The following FGF14 variants were observed in gnomAD, a reference collection of about 807,000 sequenced individuals.
FGF14 encodes the protein fibroblast growth factor 14.
In FGF14, 5 loss-of-function variants were observed where a neutral mutation model predicts 25.5. The observed-to-expected ratio is 0.20, with a 90% CI of 0.10 to 0.41. FGF14 has a LOEUF of 0.41. Ranked by LOEUF, FGF14 falls within the 10% of genes least tolerant of loss-of-function variation. The probability of loss-of-function intolerance (pLI) is 1.00; values close to 1 mark genes in which losing one functional copy is unlikely to be tolerated. For synonymous variants in FGF14, 138 were observed against 118.3 expected, an observed-to-expected ratio of 1.17 and a Z score of -1.08; for missense variants, 222 against 320.1, an observed-to-expected ratio of 0.69 and a Z score of 2.34.
intron 1 of FGF14, among the ~76,000 whole-genome samples, chr13:102,248,597 G>A (rs984255973): frequency 6.6e-5 from 10 of 152,156 alleles, no homozygotes; most frequent in African/African-American, 2.4e-4. Flanking sequence ...GTGGGAGAGG[G>A]AGATGGGGGC....
chr13:101,831,017 A>T (rs755164755), intron 3 of FGF14, among the ~76,000 whole-genome samples: 7 of 152,182 alleles, frequency 4.6e-5, no homozygotes, highest in African/African-American at 7.2e-5. Context: ...AATTCAGGCT[A>T]ATCTCATCTC....
intron 1 of FGF14, among the ~76,000 whole-genome samples, chr13:102,214,000 G>A (rs1166626835): frequency 6.6e-6 from 1 of 152,228 alleles, no homozygotes; most frequent in Non-Finnish European, 1.5e-5. Flanking sequence ...CATCACTCAG[G>A]AGTCAGGTCT....
chr13:102,149,550 C>T (rs146092156), intron 1 of FGF14, among the ~76,000 whole-genome samples: 2 of 152,328 alleles, frequency 1.3e-5, no homozygotes, highest in Non-Finnish European at 2.9e-5. Context: ...AACATTAATA[C>T]AAAGACTCAA....
intron 1 of FGF14, among the ~76,000 whole-genome samples, chr13:101,926,747 T>C (rs2034392124): frequency 1.3e-5 from 2 of 152,226 alleles, no homozygotes. Flanking sequence ...GGAAATACAT[T>C]CTGCAAGTCT....
In FGF14 at chr13:102,240,857, T is replaced by C. The variant is rs186820124; in HGVS notation, c.208+160614A>G. Among the ~76,000 whole-genome samples, 6 of 152,224 alleles carry C rather than the reference T, an allele frequency of 3.9e-5. No homozygotes were observed. The East Asian group carries it at 1.2e-3, about 29-fold the overall frequency. On this transcript the variant is annotated intron_variant, in intron 1 of 4. Transcript: ENST00000376131. Reference sequence around the variant, plus strand: ...CAATACAAGAGAATAATTTTTACCCTCTTATTTAAAAAAATTATCAAAATA... The same window carrying C: ...CAATACAAGAGAATAATTTTTACCCCCTTATTTAAAAAAATTATCAAAATA...
chr13:101,957,635 A>T (rs1207189034), intron 1 of FGF14, among the ~76,000 whole-genome samples: 1 of 152,132 alleles, frequency 6.6e-6, no homozygotes, highest in Non-Finnish European at 1.5e-5. Context: ...AGCAGATCTA[A>T]CTCAGAGTCA....
chr13:101,756,169 T>C (rs2037635250), intron 3 of FGF14, among the ~76,000 whole-genome samples: 2 of 152,238 alleles, frequency 1.3e-5, no homozygotes, highest in African/African-American at 4.8e-5. Context: ...TTCAAAGACT[T>C]ACCTTTTTCC....
intron 1 of FGF14, among the ~76,000 whole-genome samples, chr13:102,114,467 T>C (rs1256602461): frequency 1.3e-5 from 2 of 152,182 alleles, no homozygotes; most frequent in Non-Finnish European, 2.9e-5. Context: ...TGGTGTCAAT[T>C]CCAAGATAAT....
intron 1 of FGF14, among the ~76,000 whole-genome samples, chr13:102,040,672 G>A (rs1566607935): frequency 6.6e-6 from 1 of 152,168 alleles, no homozygotes. Context: ...CTGCTTCCGT[G>A]TGTTAAAGCC....
At position 102,069,413 on chromosome 13, in the gene FGF14, C is replaced by T. The variant is rs184998204; in HGVS notation, c.209-194117G>A. 2.6e-4 allele frequency among the ~76,000 whole-genome samples: 40 copies of T among 152,294 alleles called. No homozygotes were observed. In the East Asian group the frequency reaches 7.5e-3, roughly 29 times the overall value. On this transcript the variant is annotated intron_variant, in intron 1 of 4. Coordinates refer to the FGF14 transcript ENST00000376131. Reference sequence around the variant, plus strand: ...AGAGAATAAAAGGAGGCTGCCCGAGCCAGCATTGGCAACCCGCTCGGGTCC... The same window carrying T: ...AGAGAATAAAAGGAGGCTGCCCGAGTCAGCATTGGCAACCCGCTCGGGTCC...
At chr13:101,733,005 T>G (rs2035911706) in intron 3 of FGF14, among the ~76,000 whole-genome samples, 1 of 152,206 alleles carries the variant, frequency 6.6e-6, no homozygotes, top group African/African-American at 2.4e-5. Flanking sequence ...TTAATGCTAC[T>G]ATTCTGACAC....
chr13:102,251,388 T>C (rs957940548), intron 1 of FGF14, among the ~76,000 whole-genome samples: 1 of 152,196 alleles, frequency 6.6e-6, no homozygotes, highest in Admixed American at 6.6e-5. Flanking sequence ...CTCTGGACTT[T>C]GTAAAAACTG....
chr13:102,101,460 T>A (rs1252445888), intron 1 of FGF14, among the ~76,000 whole-genome samples: 1 of 152,176 alleles, frequency 6.6e-6, no homozygotes, highest in Non-Finnish European at 1.5e-5. Flanking sequence ...TGGGTATACC[T>A]CACAAAAAGA....
At chr13:102,076,564 C>A (rs995648144) in intron 1 of FGF14, among the ~76,000 whole-genome samples, 5 of 151,848 alleles carry the variant, frequency 3.3e-5, no homozygotes, top group Admixed American at 6.6e-5. Context: ...AAAATTTAAC[C>A]AAGGAGGTTA....
chr13:102,276,636 C>T (rs1212302807), intron 1 of FGF14, among the ~76,000 whole-genome samples: 1 of 151,920 alleles, frequency 6.6e-6, no homozygotes, highest in Non-Finnish European at 1.5e-5. Context: ...ATGTAAGTGT[C>T]ACGGTATGCA....
upstream of FGF14, among the ~76,000 whole-genome samples, chr13:101,917,669 C>T (rs1020336191): frequency 6.6e-6 from 1 of 152,126 alleles, no homozygotes; most frequent in African/African-American, 2.4e-5. Context: ...GGAGCCTCCA[C>T]TCCTCACCTA....
At chr13:102,310,563 C>T (rs1056128766) in intron 1 of FGF14, among the ~76,000 whole-genome samples, 1 of 151,884 alleles carries the variant, frequency 6.6e-6, no homozygotes, top group African/African-American at 2.4e-5. Flanking sequence ...TTTGTGCCCA[C>T]AAGGGACTGA....
At chr13:102,275,236 C>CTCTT (rs1555391832) in intron 1 of FGF14, among the ~76,000 whole-genome samples, 944 of 88,732 alleles carry the variant, frequency 0.011, 15 homozygotes, top group African/African-American at 0.047. Context: ...AGGCAGATTT[C>CTCTT]TCTCTCTCTC....
chr13:102,066,519 A>G (rs2140128737), intron 1 of FGF14, among the ~76,000 whole-genome samples: 1 of 152,304 alleles, frequency 6.6e-6, no homozygotes, highest in Non-Finnish European at 1.5e-5. Context: ...AATGTATCTT[A>G]TTGTTTAAAT....
Sources: allele counts gnomAD v4.1 joint callset (sites outside exome capture counted in the v4.1 genomes callset), GRCh38; gene constraint gnomAD v4.1.1; transcripts MANE v1.5; gene names NCBI Gene and HGNC (gene_info 2026-07-23, HGNC 2026-07-21).